The following SAYSD1 variants were observed in gnomAD, a reference collection of about 807,000 sequenced individuals.
SAYSD1 encodes SAYSVFN motif domain containing 1, also known as SAYSvFN domain-containing protein 1.
In SAYSD1, 15 loss-of-function variants were observed where a neutral mutation model predicts 14.5. The observed-to-expected ratio is 1.03, with a 90% confidence interval of 0.69 to 1.59. The LOEUF (loss-of-function observed/expected upper bound fraction) is 1.59, where lower values mean the gene tolerates loss of function less well. SAYSD1 is among the 40% of genes most tolerant of loss of function. The pLI, the probability that SAYSD1 is intolerant of heterozygous loss-of-function variation, is 0.00. For missense variants in SAYSD1, 247 were observed against 227.3 expected, an observed-to-expected ratio of 1.09 and a Z score of -0.56; for synonymous variants, 105 against 102.6, an observed-to-expected ratio of 1.02 and a Z score of -0.14.
intron 1 of SAYSD1, chr6:39,111,053 G>A (rs1437130134): frequency 6.6e-6 from 1 of 152,210 alleles, no homozygotes; most frequent in Non-Finnish European, 1.5e-5. Flanking sequence ...AAAACTGTGT[G>A]TTGACTCATG....
At position 39,105,515 on chromosome 6, in the gene SAYSD1, G is replaced by T. The variant is rs764967863; in HGVS notation, c.469C>A (p.Pro157Thr). The change falls in exon 2 of 2, where the codon CCA becomes ACA. Residue 157 changes from proline to threonine, a missense_variant. Coordinates refer to ENST00000229903, the MANE Select transcript of SAYSD1 (RefSeq NM_018322.3). The stretch of plus-strand genomic sequence containing the variant: ...GTGCCCTGGATGGCTTCACAGCCTG[G>T]ATTGAACACAGAGTAGGCGCTCTTC... ...GEKSAYSVFN[P>T]GCEAIQGTLT... 1 of 1,614,072 alleles carries T rather than the reference G, an allele frequency of 6.2e-7. No homozygotes were observed. Among genetic ancestry groups the T allele is most frequent in the African/African-American group, 1.3e-5 (1 of 74,896 alleles).
Position 39,114,933 on chromosome 6 carries a change from C to G in SAYSD1, c.157G>C (p.Val53Leu). 6.2e-7 allele frequency: 1 copy of G among 1,613,654 alleles called. No homozygotes were observed. The highest frequency in any genetic ancestry group is 8.5e-7 in the Non-Finnish European group (1 of 1,179,892). ...AAPGWLKRFL[V>L]WKPRPASARA... ...GCACTCGCGGGCCTAGGTTTCCATA[C>G]CAGGAACCGCTTTAGCCAGCCTGGG... The change falls in exon 1 of 2, where the codon GTA becomes CTA. Residue 53 changes from valine to leucine, a missense_variant. Val to Leu is a conservative substitution (Grantham distance 32). Coordinates refer to ENST00000229903, the MANE Select transcript of SAYSD1 (RefSeq NM_018322.3).
At chr6:39,109,485 A>G in intron 1 of SAYSD1, 1 of 1,501,324 alleles carries the variant, frequency 6.7e-7, no homozygotes, top group Non-Finnish European at 8.9e-7. Context: ...GTCGGGGCAG[A>G]GGCATCATTG....
At position 39,105,578 on chromosome 6, in the gene SAYSD1, C is replaced by T. The variant is rs759710937; in HGVS notation, c.406G>A (p.Val136Ile). Residue 136 changes from valine (V) to isoleucine (I), a missense_variant, in exon 2 of 2, where the codon GTC (valine) becomes ATC (isoleucine). Coordinates refer to ENST00000229903, the MANE Select transcript of SAYSD1 (RefSeq NM_018322.3). ...TTCTCTTCAGGGCCTCGTGTCCCGA[C>T]GTACATCCAATAGAACAAGGACAGG... Reference protein sequence around the residue: ...FVLSLFYWMYVGTRGPEEKKE... With the variant: ...FVLSLFYWMYIGTRGPEEKKE... 29 of 1,614,118 alleles carry T rather than the reference C, an allele frequency of 1.8e-5. No individual in the cohort carries two copies. The highest frequency in any genetic ancestry group is 4.5e-5 in the East Asian group (2 of 44,900).
intron 1 of SAYSD1, chr6:39,109,449 G>A: frequency 1.3e-6 from 2 of 1,541,476 alleles, no homozygotes; most frequent in Non-Finnish European, 1.8e-6. Flanking sequence ...AGATGCAGCG[G>A]CATTGTCAGT....
intron 1 of SAYSD1, chr6:39,112,486 A>G (rs988505931): frequency 6.5e-6 from 1 of 153,418 alleles, no homozygotes; most frequent in Non-Finnish European, 1.5e-5. Flanking sequence ...CTTTACAAGA[A>G]AGAAAATGAG....
At chr6:39,108,672 C>T (rs1012923789) in intron 1 of SAYSD1, among the ~76,000 whole-genome samples, 1 of 151,846 alleles carries the variant, frequency 6.6e-6, no homozygotes, top group East Asian at 1.9e-4. Context: ...AGGAATGCTC[C>T]CTTCCCCTCA....
chr6:39,114,665 A>C (rs1189401566), intron 1 of SAYSD1, among the ~76,000 whole-genome samples: 1 of 152,232 alleles, frequency 6.6e-6, no homozygotes, highest in African/African-American at 2.4e-5. Context: ...CTCTCGCTGG[A>C]ATCAGGACCT....
intron 1 of SAYSD1, among the ~76,000 whole-genome samples, chr6:39,108,546 G>C (rs149782265): frequency 2.6e-5 from 4 of 152,238 alleles, no homozygotes; most frequent in Non-Finnish European, 4.4e-5. Flanking sequence ...CCTGGGTGAA[G>C]AAGTGTTTGT....
Position 39,105,546 on chromosome 6 carries a change from C to A in SAYSD1, c.438G>T (p.Glu146Asp), listed in dbSNP as rs1157408362. ...ACACAGAGTAGGCGCTCTTCTCTCC[C>A]TCTTTCTTCTCTTCAGGGCCTCGTG... ...VGTRGPEEKK[E>D]GEKSAYSVFN... Residue 146 changes from glutamate to aspartate, a missense_variant, in exon 2 of 2, where the codon GAG becomes GAT. Physicochemically the swap from Glu to Asp is conservative, Grantham distance 45 (BLOSUM62 2). Transcript: ENST00000229903. The A allele has an allele frequency of 1.9e-6, 3 of 1,614,238 alleles. No individual in the cohort carries two copies. The highest frequency in any genetic ancestry group is 2.2e-5 in the South Asian group (2 of 91,090).
intron 1 of SAYSD1, among the ~76,000 whole-genome samples, chr6:39,107,138 A>G (rs1013924970): frequency 1.3e-5 from 2 of 152,244 alleles, no homozygotes; most frequent in African/African-American, 4.8e-5. Context: ...AACACGATCC[A>G]CAATCTTTTG....
At chr6:39,110,353 C>T in intron 1 of SAYSD1, 1 of 208,362 alleles carries the variant, frequency 4.8e-6, no homozygotes, top group South Asian at 9.8e-5. Context: ...TGGCCTGTGC[C>T]AATGGCCATG....
rs945142137 is a variant in SAYSD1, at chr6:39,109,364, A to C, written c.208-3588T>G. On this transcript the variant is annotated intron_variant, in intron 1 of 1. Coordinates refer to ENST00000229903, the MANE Select transcript of SAYSD1 (RefSeq NM_018322.3). ...AAGCTCGTCACAGAATTATTTCAGG[A>C]AACTGCTTTTCTCCAAGCAAAATCT... 1.9e-6 allele frequency: 3 copies of C among 1,550,808 alleles called. No individual in the cohort carries two copies. The African/African-American group carries it at 4.1e-5, about 21-fold the overall frequency.
At chr6:39,113,515 C>T (rs1769670355) in intron 1 of SAYSD1, 1 of 152,558 alleles carries the variant, frequency 6.6e-6, no homozygotes, top group Non-Finnish European at 1.5e-5. Flanking sequence ...GGCAGAGTCC[C>T]TTATGGAAAA....
At chr6:39,109,478 G>A (rs928735635) in intron 1 of SAYSD1, 70 of 1,505,898 alleles carry the variant, frequency 4.6e-5, no homozygotes, top group East Asian at 9.9e-5. Flanking sequence ...GGCCCGGGTC[G>A]GGGCAGAGGC....
intron 1 of SAYSD1, among the ~76,000 whole-genome samples, chr6:39,114,370 G>C (rs577936906): frequency 2.6e-5 from 4 of 152,344 alleles, no homozygotes; most frequent in African/African-American, 7.2e-5. Context: ...GCCACTACCG[G>C]CAGTTACAGC....
chr6:39,109,596 C>A (rs1769588366), intron 1 of SAYSD1: 1 of 1,364,090 alleles, frequency 7.3e-7, no homozygotes, highest in African/African-American at 1.5e-5. Flanking sequence ...TGTGCATATA[C>A]ATTACAGTTT....
chr6:39,106,932 A>G (rs992382989), intron 1 of SAYSD1, among the ~76,000 whole-genome samples: 1 of 152,200 alleles, frequency 6.6e-6, no homozygotes, highest in Non-Finnish European at 1.5e-5. Context: ...CATGACCTAC[A>G]ATAAGGAATA....
chr6:39,109,391 G>A, intron 1 of SAYSD1: 1 of 1,550,452 alleles, frequency 6.4e-7, no homozygotes, highest in South Asian at 1.2e-5. Flanking sequence ...GCAAAATCTG[G>A]TAGTGGGAAG....
Sources: allele counts gnomAD v4.1 joint callset (sites outside exome capture counted in the v4.1 genomes callset), GRCh38; gene constraint gnomAD v4.1.1; transcripts MANE v1.5; gene names NCBI Gene and HGNC (gene_info 2026-07-23, HGNC 2026-07-21).